FUT8: variants seen among roughly 807,000 people sequenced by gnomAD.
FUT8 encodes the protein alpha-(1,6)-fucosyltransferase.
FUT8 carries 29 observed loss-of-function variants against 71.3 expected under a neutral mutation model. The observed-to-expected ratio is 0.41, with a 90% confidence interval of 0.30 to 0.55. The LOEUF (loss-of-function observed/expected upper bound fraction) is 0.55. Ranked by LOEUF, FUT8 falls within the 20% of genes least tolerant of loss-of-function variation. FUT8 has a pLI of 0.34. For missense variants in FUT8, 544 were observed against 702.1 expected, an observed-to-expected ratio of 0.77 and a Z score of 2.55; for synonymous variants, 254 against 239.3, an observed-to-expected ratio of 1.06 and a Z score of -0.57.
At chr14:65,678,627 T>C (rs1336048191) in intron 7 of FUT8, among the ~76,000 whole-genome samples, 1 of 152,216 alleles carries the variant, frequency 6.6e-6, no homozygotes, top group African/African-American at 2.4e-5. Context: ...TATATAATAC[T>C]AAGAGAAGCA....
At chr14:65,378,930 T>C in the FUT8 span, among the ~76,000 whole-genome samples, 1 of 124,788 alleles carries the variant, frequency 8.0e-6, no homozygotes, top group South Asian at 2.9e-4. Context: ...CACTGCAACC[T>C]CCGCCTCCTG....
Position 65,478,144 on chromosome 14 carries a change from C to T in FUT8, c.-228+22426C>T, listed in dbSNP as rs61990003. On this transcript the variant is annotated intron_variant, in intron 2 of 10. Transcript: ENST00000673929. ...TTTAAAGAGAGCGTTCCCCCCTCTA[C>T]CCCAGATAGTATCTATCTTTGAGGT... Among the ~76,000 whole-genome samples the T allele has an allele frequency of 7.9e-3, 1,204 of 152,208 alleles. 3 individuals are homozygous for T. The highest frequency in any genetic ancestry group is 0.013 in the Non-Finnish European group (894 of 68,006).
intron 2 of FUT8, among the ~76,000 whole-genome samples, chr14:65,519,131 T>G (rs1167482089): frequency 6.6e-6 from 1 of 152,138 alleles, no homozygotes; most frequent in East Asian, 1.9e-4. Context: ...TGAAGGTCTG[T>G]TTTGTAGAAA....
chr14:65,603,827 G>A lies in FUT8; in HGVS notation c.204-12151G>A, dbSNP rs1029097068. Among the ~76,000 whole-genome samples, 4 of 151,738 alleles carry A rather than the reference G, an allele frequency of 2.6e-5. 1 individual carries two copies. The highest frequency in any genetic ancestry group is 9.7e-5 in the African/African-American group (4 of 41,362). On this transcript the variant is annotated intron_variant, in intron 3 of 10. Coordinates refer to ENST00000673929, the MANE Select transcript of FUT8 (RefSeq NM_001371533.1). This position sits in a 1 kb window ranked among gnomAD's most constrained non-coding sequence, Gnocchi z 4.5. Reference sequence around the variant, plus strand: ...CTTAAAAGGTACAGAATTGCAGAATGGATTCGAATTCACAAACCAAGCATC... The same window carrying A: ...CTTAAAAGGTACAGAATTGCAGAATAGATTCGAATTCACAAACCAAGCATC...
chr14:65,729,886 G>A (rs1390845950), intron 9 of FUT8, among the ~76,000 whole-genome samples: 2 of 151,956 alleles, frequency 1.3e-5, no homozygotes, highest in Non-Finnish European at 2.9e-5. Flanking sequence ...TATAGTAGTA[G>A]CCTTTTATGC....
At chr14:65,481,083 C>G (rs538246368) in intron 2 of FUT8, among the ~76,000 whole-genome samples, 21 of 152,078 alleles carry the variant, frequency 1.4e-4, no homozygotes, top group Non-Finnish European at 2.6e-4. Flanking sequence ...GCACAGGGTT[C>G]TAATTTCAGC....
At chr14:65,511,040 T>TG (rs1331303800) in intron 2 of FUT8, among the ~76,000 whole-genome samples, 1 of 152,096 alleles carries the variant, frequency 6.6e-6, no homozygotes, top group East Asian at 1.9e-4. Flanking sequence ...TGTAGGCACT[T>TG]GTAGCTATAA....
rs140326452 is a variant in FUT8, at chr14:65,638,630, T to C, written c.597+9024T>C. ...TGCTGGGGATACATTATTGAGGCTA[T>C]TAAACATACATTTCAGCTTATGGAA... On this transcript the variant is annotated intron_variant, in intron 6 of 10. Transcript: ENST00000673929. The surrounding 1 kb of genome is among the most constrained non-coding windows in gnomAD (Gnocchi z 4.5). 1.3e-3 allele frequency among the ~76,000 whole-genome samples: 192 copies of C among 152,276 alleles called. No homozygotes were observed. The highest frequency in any genetic ancestry group is 4.4e-3 in the African/African-American group (184 of 41,556).
chr14:65,743,793 C>T lies in FUT8; in HGVS notation c.*1383C>T, dbSNP rs750178001. On this transcript the variant is annotated 3_prime_UTR_variant, in exon 11 of 11. Transcript: ENST00000673929. ...CTTTGTCTCTGAGCATCATTTTTCT[C>T]CTCATAAAAACACTTCCTTATTGTA... The T allele has an allele frequency of 4.6e-5, 7 of 151,824 alleles. No homozygotes were observed. The highest frequency in any genetic ancestry group is 7.4e-5 in the Non-Finnish European group (5 of 67,866). 9.4% of individuals were successfully genotyped at this position (151,824 alleles called of 1,614,324 possible).
intron 2 of FUT8, among the ~76,000 whole-genome samples, chr14:65,470,653 G>A (rs991183971): frequency 1.3e-5 from 2 of 152,066 alleles, no homozygotes; most frequent in African/African-American, 4.8e-5. Context: ...CTCAGCAGTC[G>A]CCTGATGTGG....
At chr14:65,362,183 G>A in the FUT8 span, among the ~76,000 whole-genome samples, 1 of 152,162 alleles carries the variant, frequency 6.6e-6, no homozygotes, top group Non-Finnish European at 1.5e-5. Context: ...TACAATCTAT[G>A]ATTTAGCTAT....
intron 2 of FUT8, among the ~76,000 whole-genome samples, chr14:65,494,332 C>G (rs1014175755): frequency 1.3e-5 from 2 of 152,160 alleles, no homozygotes; most frequent in Non-Finnish European, 2.9e-5. Context: ...TAGCACATCT[C>G]AGTTCAAACT....
intron 3 of FUT8, among the ~76,000 whole-genome samples, chr14:65,611,223 GCACACACACA>G (rs1222817416): frequency 3.1e-4 from 1 of 3,214 alleles, no homozygotes; most frequent in African/African-American, 5.1e-4. Context: ...GCGCGCGCGC[GCACACACACA>G]CACACACACA....
chr14:65,611,197 ACGCGCGCGCGCGCGCGCGCGCGCGCG>A (rs112404723), intron 3 of FUT8, among the ~76,000 whole-genome samples: 10,374 of 59,574 alleles, frequency 0.17, 1,477 homozygotes, highest in Non-Finnish European at 0.21. Flanking sequence ...ACACACACAC[ACGCGCGCGCGCGCGCGCGCGCGCGCG>A]CACACACACA....
Position 65,633,240 on chromosome 14 carries a change from C to G in FUT8, c.597+3634C>G, listed in dbSNP as rs373176984. On this transcript the variant is annotated intron_variant, in intron 6 of 10. Coordinates refer to ENST00000673929, the MANE Select transcript of FUT8 (RefSeq NM_001371533.1). ...TTCGCTGTGTTGGCCGGGCTGGTCTCCAGCTCCTAACCGCGAGTGATCCGC... is the reference window on the plus strand; with the variant it reads ...TTCGCTGTGTTGGCCGGGCTGGTCTGCAGCTCCTAACCGCGAGTGATCCGC... Among the ~76,000 whole-genome samples, 31 of 152,334 alleles carry G rather than the reference C, an allele frequency of 2.0e-4. No homozygotes were observed. The East Asian group carries it at 3.3e-3, about 16-fold the overall frequency.
chr14:65,528,361 T>C, intron 2 of FUT8, among the ~76,000 whole-genome samples: 1 of 152,212 alleles, frequency 6.6e-6, no homozygotes, highest in Admixed American at 6.5e-5. Context: ...GCGCGGGATA[T>C]AATCTCCCGG....
chr14:65,597,259 A>G (rs1888030489), intron 3 of FUT8, among the ~76,000 whole-genome samples: 1 of 152,176 alleles, frequency 6.6e-6, no homozygotes, highest in South Asian at 2.1e-4. Context: ...TTTCTGGATA[A>G]TGCAGCTAAC....
At chr14:65,429,145 T>G (rs770935355) in intron 1 of FUT8, among the ~76,000 whole-genome samples, 15 of 152,194 alleles carry the variant, frequency 9.9e-5, no homozygotes, top group Non-Finnish European at 1.9e-4. Flanking sequence ...ATTTTCAGTA[T>G]AGTATAAAAA....
chr14:65,448,361 T>C (rs1476224202), intron 1 of FUT8, among the ~76,000 whole-genome samples: 1 of 152,170 alleles, frequency 6.6e-6, no homozygotes, highest in Admixed American at 6.5e-5. Context: ...CTCATGCTTA[T>C]CAGGAGGATC....
Sources: allele counts gnomAD v4.1 joint callset (sites outside exome capture counted in the v4.1 genomes callset), GRCh38; gene constraint gnomAD v4.1.1; non-coding constraint Gnocchi (gnomAD v3.1); transcripts MANE v1.5; gene names NCBI Gene and HGNC (gene_info 2026-07-23, HGNC 2026-07-21).